Variants in CACNA1E observed in about 807,000 individuals in gnomAD.
CACNA1E encodes calcium voltage-gated channel subunit alpha1 E.
CACNA1E carries 40 observed loss-of-function variants against 259.2 expected under a neutral mutation model. The observed-to-expected ratio is 0.15, with a 90% CI of 0.12 to 0.20. CACNA1E has a LOEUF of 0.20. Among genes scored for constraint, CACNA1E ranks in the 10% least tolerant of loss-of-function variants. The probability of loss-of-function intolerance (pLI) is 1.00; values close to 1 mark genes in which losing one functional copy is unlikely to be tolerated. For synonymous variants in CACNA1E, 1,104 were observed against 1,138.5 expected (o/e 0.97, Z 0.61); for missense variants, 1,874 against 3,040.1 (o/e 0.62, Z 9.02).
chr1:181,390,854 G>A (rs141457889), intron 1 of CACNA1E, among the ~76,000 whole-genome samples: 17 of 152,288 alleles, frequency 1.1e-4, no homozygotes, highest in South Asian at 8.3e-4. Context: ...AGTGTTGTGT[G>A]ATTACAAAGG....
At chr1:181,512,209 C>T (rs1358298143) in intron 3 of CACNA1E, among the ~76,000 whole-genome samples, 1 of 152,216 alleles carries the variant, frequency 6.6e-6, no homozygotes, top group African/African-American at 2.4e-5. Context: ...TGACCCAGTG[C>T]CCTTGGCAGC....
chr1:181,423,640 G>A (rs1658926962), intron 2 of CACNA1E, among the ~76,000 whole-genome samples: 1 of 149,450 alleles, frequency 6.7e-6, no homozygotes, highest in Non-Finnish European at 1.5e-5. Context: ...CTTTATGGGT[G>A]AATTTAAGGG....
intron 7 of CACNA1E, among the ~76,000 whole-genome samples, chr1:181,706,402 C>T (rs1652801516): frequency 1.3e-5 from 2 of 152,282 alleles, no homozygotes; most frequent in South Asian, 4.2e-4. Context: ...CATATATACC[C>T]ATGAGCCTGA....
intron 21 of CACNA1E, among the ~76,000 whole-genome samples, chr1:181,734,270 C>CT (rs749428291): frequency 2.0e-5 from 3 of 152,102 alleles, no homozygotes; most frequent in Non-Finnish European, 4.4e-5. Flanking sequence ...TTCTATTGCT[C>CT]TTATCAACTC....
chr1:181,791,209 C>T (rs1249165014), intron 44 of CACNA1E, among the ~76,000 whole-genome samples: 6 of 152,306 alleles, frequency 3.9e-5, no homozygotes, highest in South Asian at 2.1e-4. Context: ...CGGTGGCTCA[C>T]GCCTGTAATC....
At chr1:181,622,471 G>A (rs1655812900) in intron 6 of CACNA1E, among the ~76,000 whole-genome samples, 2 of 152,156 alleles carry the variant, frequency 1.3e-5, no homozygotes, top group Non-Finnish European at 2.9e-5. Context: ...GGTGTTGGCA[G>A]GTTTGTTTTG....
chr1:181,342,598 T>G (rs984751714), intron 1 of CACNA1E, among the ~76,000 whole-genome samples: 1 of 152,170 alleles, frequency 6.6e-6, no homozygotes, highest in Non-Finnish European at 1.5e-5. Flanking sequence ...GCCGTCTGAT[T>G]CCATTTGTGG....
chr1:181,695,956 A>T (rs1212543828), intron 7 of CACNA1E, among the ~76,000 whole-genome samples: 1 of 152,210 alleles, frequency 6.6e-6, no homozygotes, highest in Non-Finnish European at 1.5e-5. Context: ...CCCTGTCTCT[A>T]ATAAATAAAT....
intron 7 of CACNA1E, among the ~76,000 whole-genome samples, chr1:181,677,600 T>A (rs1241786461): frequency 6.6e-6 from 1 of 152,194 alleles, no homozygotes; most frequent in Non-Finnish European, 1.5e-5. Flanking sequence ...AAAAGAAGTA[T>A]GAAACCTGGT....
chr1:181,413,976 C>G (rs1418722648), intron 2 of CACNA1E, among the ~76,000 whole-genome samples: 2 of 152,202 alleles, frequency 1.3e-5, no homozygotes, highest in Non-Finnish European at 1.5e-5. Context: ...TGCAGCTAAC[C>G]CTGCCTTTTT....
intron 6 of CACNA1E, among the ~76,000 whole-genome samples, chr1:181,593,769 C>G (rs989613753): frequency 6.6e-6 from 1 of 152,082 alleles, no homozygotes; most frequent in Non-Finnish European, 1.5e-5. Flanking sequence ...GAACTCCTGA[C>G]CTCGTGATCC....
chr1:181,626,329 G>T (rs898600925), intron 6 of CACNA1E, among the ~76,000 whole-genome samples: 2 of 152,198 alleles, frequency 1.3e-5, no homozygotes, highest in African/African-American at 4.8e-5. Flanking sequence ...AAAACGAAGT[G>T]CAGTAAAGTA....
chr1:181,549,789 C>T (rs1647924208), intron 3 of CACNA1E, among the ~76,000 whole-genome samples: 1 of 152,158 alleles, frequency 6.6e-6, no homozygotes, highest in African/African-American at 2.4e-5. Context: ...AGCACAGTGT[C>T]CGTGGAGAAC....
intron 1 of CACNA1E, among the ~76,000 whole-genome samples, chr1:181,367,651 T>A (rs916044090): frequency 6.7e-6 from 1 of 149,382 alleles, no homozygotes; most frequent in African/African-American, 2.4e-5. Flanking sequence ...TTATTACTAA[T>A]GAATAACTTC....
chr1:181,703,498 C>T (rs928129110), intron 7 of CACNA1E, among the ~76,000 whole-genome samples: 2 of 152,032 alleles, frequency 1.3e-5, no homozygotes, highest in Admixed American at 6.6e-5. Flanking sequence ...GGTTAAAAAC[C>T]GAAACAGGAA....
At chr1:181,791,423 A>T (rs373249341) in intron 44 of CACNA1E, among the ~76,000 whole-genome samples, 1 of 152,222 alleles carries the variant, frequency 6.6e-6, no homozygotes. Context: ...CAATGAGCCG[A>T]GATGGCGCTG....
At chr1:181,788,133 A>G (rs1028595443) in intron 43 of CACNA1E, among the ~76,000 whole-genome samples, 1 of 152,348 alleles carries the variant, frequency 6.6e-6, no homozygotes, top group Non-Finnish European at 1.5e-5. Context: ...CAGGATAGAG[A>G]TGGAGACAGA....
At chr1:181,621,723 G>A (rs192544084) in intron 6 of CACNA1E, among the ~76,000 whole-genome samples, 10 of 152,256 alleles carry the variant, frequency 6.6e-5, no homozygotes, top group Non-Finnish European at 1.3e-4. Flanking sequence ...TGTATCACAC[G>A]AGTTTTTTTT....
At chr1:181,596,121 GAGAA>G (rs1295875892) in intron 6 of CACNA1E, among the ~76,000 whole-genome samples, 1 of 152,144 alleles carries the variant, frequency 6.6e-6, no homozygotes, top group African/African-American at 2.4e-5. Flanking sequence ...GGGAGATTGA[GAGAA>G]AGAGGCCAAA....
Sources: gnomAD v4.1 joint callset for allele counts (sites outside exome capture counted in the v4.1 genomes callset) on GRCh38, gnomAD v4.1.1 for gene constraint, MANE v1.5 for transcripts, NCBI Gene and HGNC (gene_info 2026-07-23, HGNC 2026-07-21) for gene names.